The following PCDH12 variants were observed in gnomAD, a reference collection of about 807,000 sequenced individuals.
The protein encoded by PCDH12 is protocadherin 12.
Under a neutral mutation model 70.9 loss-of-function variants are expected in PCDH12, and 45 were observed. The observed-to-expected ratio is 0.63, with a 90% confidence interval of 0.50 to 0.81. The LOEUF (loss-of-function observed/expected upper bound fraction) is 0.81. Among genes scored for constraint, PCDH12 ranks in the 40% least tolerant of loss-of-function variants. The pLI is 0.00. For missense variants in PCDH12, 1,370 were observed against 1,491.7 expected, an observed-to-expected ratio of 0.92 and a Z score of 1.34; for synonymous variants, 567 against 626.0, an observed-to-expected ratio of 0.91 and a Z score of 1.41.
rs767095922 is a variant in PCDH12, at chr5:141,945,330, C to T, written c.*51G>A. ...AAGATTTTAGAAACCAGCTCTTGTC[C>T]ACAGATCCTCAGGCCCCTGGTTCTT... On this transcript the variant is annotated 3_prime_UTR_variant, in exon 4 of 4. Coordinates refer to ENST00000231484, the MANE Select transcript of PCDH12 (RefSeq NM_016580.4). 125 of 1,544,434 alleles carry T rather than the reference C, an allele frequency of 8.1e-5. 1 individual carries two copies. The highest frequency in any genetic ancestry group is 1.1e-4 in the Non-Finnish European group (121 of 1,148,118).
Position 141,946,904 on chromosome 5 carries a change from A to T in PCDH12, c.3131-1099T>A, listed in dbSNP as rs1056020657. Among the ~76,000 whole-genome samples the T allele has an allele frequency of 1.8e-4, 4 of 22,686 alleles. No homozygotes were observed. In the East Asian group the frequency reaches 0.019, roughly 110 times the overall value. The allele number at this position is 22,686 out of a possible 152,430, so 14.9% of individuals were successfully genotyped here. A position where few individuals can be genotyped will look rare whatever the true frequency, so the allele number is the denominator to read the frequency against. The stretch of plus-strand genomic sequence containing the variant: ...TAAGAAACAGTGTCTTAAAAAAATT[A>T]AAAAAAAAAAAAAAAGCACAACATC... On this transcript the variant is annotated intron_variant, in intron 3 of 3. Transcript: ENST00000231484.
At chr5:141,953,642 C>G (rs535289447) in intron 1 of PCDH12, among the ~76,000 whole-genome samples, 1 of 152,258 alleles carries the variant, frequency 6.6e-6, no homozygotes, top group Non-Finnish European at 1.5e-5. Context: ...GGCCTATTCT[C>G]TGTTGTCCTG....
chr5:141,945,489 G>C lies in PCDH12; in HGVS notation c.3447C>G (p.Asp1149Glu). ...LSVCGRTLSL[D>E]LATSAASGMK... ...TGCCTGAGGCTGCACTGGTGGCCAA[G>C]TCTAAACTGAGGGTCCTCCCGCAGA... The change falls in exon 4 of 4, where the codon GAC (aspartate) becomes GAG (glutamate). Residue 1149 changes from aspartate to glutamate, a missense_variant. Transcript: ENST00000231484. The C allele has an allele frequency of 1.2e-6, 2 of 1,613,470 alleles. No individual in the cohort carries two copies. Among genetic ancestry groups the C allele is most frequent in the Non-Finnish European group, 1.7e-6 (2 of 1,179,738 alleles).
rs1753077207 is a variant in PCDH12, at chr5:141,951,351, G to A, written c.2978+142C>T. 21 of 649,634 alleles carry A rather than the reference G, an allele frequency of 3.2e-5. No individual in the cohort carries two copies. In the South Asian group the frequency reaches 3.6e-4, roughly 11 times the overall value. 40.2% of individuals were successfully genotyped at this position (649,634 alleles called of 1,614,324 possible). On this transcript the variant is annotated intron_variant, in intron 2 of 3. Transcript: ENST00000231484. ...CCTCACGACCAAAACTCCCAGGGTG[G>A]GAGGATGGATGCTGTCTGCTGCACC...
rs1752872516 is a variant in PCDH12, at chr5:141,945,097, C to T, written c.*284G>A. ...TGATACTCCGTGGCATCTGTTCTGC[C>T]AGAGGACTGACCCTTTGTGCTCCAC... On this transcript the variant is annotated 3_prime_UTR_variant, in exon 4 of 4. Coordinates refer to ENST00000231484, the MANE Select transcript of PCDH12 (RefSeq NM_016580.4). 2.3e-6 allele frequency: 1 copy of T among 443,244 alleles called. No homozygotes were observed. The highest frequency in any genetic ancestry group is 4.0e-5 in the Admixed American group (1 of 25,232). 27.5% of individuals were successfully genotyped at this position (443,244 alleles called of 1,614,324 possible). A position where few individuals can be genotyped will look rare whatever the true frequency, so the allele number is the denominator to read the frequency against.
rs748846027 is a variant in PCDH12 at position 141,945,753 on chromosome 5, G to C, written c.3183C>G (p.Leu1061=). The C allele has an allele frequency of 7.4e-6, 12 of 1,613,894 alleles. No homozygotes were observed. The highest frequency in any genetic ancestry group is 1.7e-5 in the Admixed American group (1 of 60,014). Residue 1061 remains leucine, a synonymous_variant, in exon 4 of 4, where the codon CTC becomes CTG. Coordinates refer to ENST00000231484, the MANE Select transcript of PCDH12 (RefSeq NM_016580.4). ...GGTAGTTGGTGGTGAGGGGCAAAGAGAGTCTCGCCATCCAGGCCGGGTCAG... is the reference window on the plus strand; with the variant it reads ...GGTAGTTGGTGGTGAGGGGCAAAGACAGTCTCGCCATCCAGGCCGGGTCAG... ...SAPDPAWMAR[L]SLPLTTNYRD...
At chr5:141,954,883 A>G (rs1753146948) in intron 1 of PCDH12, 89 bp downstream of exon 1, 2 of 1,482,178 alleles carry the variant, frequency 1.3e-6, no homozygotes, top group African/African-American at 1.4e-5. Flanking sequence ...AGGAAGAAAC[A>G]TGAGGACTGT....
chr5:141,953,172 G>A (rs764396584), intron 1 of PCDH12: 2 of 152,170 alleles, frequency 1.3e-5, no homozygotes, highest in African/African-American at 2.4e-5. Flanking sequence ...GCCCAGACTC[G>A]AATCAGTCAG....
chr5:141,956,357 T>C lies in PCDH12; in HGVS notation c.1495A>G (p.Ile499Val), dbSNP rs751011058. Reference protein sequence around the residue: ...LGINGKVSYRIQDSPVAHLVA... With the variant: ...LGINGKVSYRVQDSPVAHLVA... ...AAGTGAGCAACTGGGGAGTCCTGGA[T>C]GCGGTATGAGACTTTTCCATTAATG... The change falls in exon 1 of 4, where the codon ATC becomes GTC. Residue 499 changes from isoleucine to valine, a missense_variant. Ile to Val is a conservative substitution (Grantham distance 29). Coordinates refer to ENST00000231484, the MANE Select transcript of PCDH12 (RefSeq NM_016580.4). 8 of 1,614,114 alleles carry C rather than the reference T, an allele frequency of 5.0e-6. No individual in the cohort carries two copies. The Admixed American group carries it at 1.0e-4, about 20-fold the overall frequency.
chr5:141,957,044 C>G lies in PCDH12; in HGVS notation c.808G>C (p.Asp270His), dbSNP rs1320133752. ...TCCCCATTGGGGCCTTGGTCAGGGT[C>G]TGTGGCGGTCAGTTTTATGAGAAGC... ...GTLLIKLTAT[D>H]PDQGPNGEVE... The change falls in exon 1 of 4, where the codon GAC becomes CAC. Residue 270 changes from aspartate (D) to histidine (H), a missense_variant. Asp to His is a moderately conservative substitution (Grantham distance 81). Transcript: ENST00000231484. The surrounding 1 kb of genome is among the most constrained non-coding windows in gnomAD (Gnocchi z 4.3). The G allele has an allele frequency of 1.2e-6, 2 of 1,614,066 alleles. No individual in the cohort carries two copies. The highest frequency in any genetic ancestry group is 1.7e-6 in the Non-Finnish European group (2 of 1,180,044).
At chr5:141,948,811 T>C (rs566765314) in intron 3 of PCDH12, among the ~76,000 whole-genome samples, 3 of 152,042 alleles carry the variant, frequency 2.0e-5, no homozygotes, top group Non-Finnish European at 4.4e-5. Context: ...CTTGAGGGGA[T>C]TGGTTGGAGG....
In PCDH12 at chr5:141,948,087, G is replaced by A. The variant is rs546721145; in HGVS notation, c.3130+1345C>T. On this transcript the variant is annotated intron_variant, in intron 3 of 3. Coordinates refer to ENST00000231484, the MANE Select transcript of PCDH12 (RefSeq NM_016580.4). ...ACTTAAATTTAAATAGCCACTTGTC[G>A]CTAGTGACTACCTCATTGAACAACA... is the stretch of plus-strand genomic sequence containing the variant. Among the ~76,000 whole-genome samples the A allele has an allele frequency of 4.8e-4, 73 of 152,020 alleles. 2 individuals are homozygous for A. In the South Asian group the frequency reaches 0.014, roughly 29 times the overall value.
chr5:141,945,255 T>C lies in PCDH12; in HGVS notation c.*126A>G. The C allele has an allele frequency of 8.7e-7, 1 of 1,151,872 alleles. No homozygotes were observed. Among genetic ancestry groups the C allele is most frequent in the Non-Finnish European group, 1.2e-6 (1 of 813,288 alleles). 71.4% of individuals were successfully genotyped at this position (1,151,872 alleles called of 1,614,324 possible). On this transcript the variant is annotated 3_prime_UTR_variant, in exon 4 of 4. Coordinates refer to ENST00000231484, the MANE Select transcript of PCDH12 (RefSeq NM_016580.4). ...GGGGCTCTTGCCTCCTCTGTGGGGG[T>C]AGCATCAGTCACCCTAAAGTTCTCA... is the stretch of plus-strand genomic sequence containing the variant.
chr5:141,946,611 A>G (rs758460), intron 3 of PCDH12, among the ~76,000 whole-genome samples: 14,717 of 152,002 alleles, frequency 0.097, 2,351 homozygotes, highest in African/African-American at 0.33. Context: ...CCTCCTCAAC[A>G]TCATCTCTCA....
rs1752860016 is a variant in PCDH12, at chr5:141,944,701, G to T, written c.*680C>A. On this transcript the variant is annotated 3_prime_UTR_variant, in exon 4 of 4. Coordinates refer to ENST00000231484, the MANE Select transcript of PCDH12 (RefSeq NM_016580.4). ...ATTAAATCCTATTGTAAAGCCTGGTGCCTGGCTCATGTAAATGCTTTATAA... is the reference window on the plus strand; with the variant it reads ...ATTAAATCCTATTGTAAAGCCTGGTTCCTGGCTCATGTAAATGCTTTATAA... 1 of 152,202 alleles carries T rather than the reference G, an allele frequency of 6.6e-6. No individual in the cohort carries two copies. The highest frequency in any genetic ancestry group is 1.5e-5 in the Non-Finnish European group (1 of 68,062). The allele number at this position is 152,202 out of a possible 1,614,324, so 9.4% of individuals were successfully genotyped here.
rs867348393 is a variant in PCDH12 at position 141,956,266 on chromosome 5, G to A, written c.1586C>T (p.Ala529Val). ...AQRSLNYEEMAGFEFQVIAED... is the reference protein window; with the variant it reads ...AQRSLNYEEMVGFEFQVIAED... ...TGCGATCACCTGGAACTCAAAGCCG[G>A]CCATCTCTTCATAGTTCAGTGACCT... The change falls in exon 1 of 4, where the codon GCC (alanine) becomes GTC (valine). Residue 529 changes from alanine to valine, a missense_variant. By Grantham distance (64) the Ala-to-Val change is moderately conservative. Transcript: ENST00000231484. The A allele has an allele frequency of 6.2e-7, 1 of 1,614,212 alleles. No individual in the cohort carries two copies. Among genetic ancestry groups the A allele is most frequent in the South Asian group, 1.1e-5 (1 of 91,082 alleles).
At chr5:141,947,495 C>A (rs1412457743) in intron 3 of PCDH12, among the ~76,000 whole-genome samples, 5 of 152,180 alleles carry the variant, frequency 3.3e-5, no homozygotes, top group Admixed American at 3.3e-4. Context: ...CCCAGCATCA[C>A]CCACCAGTTC....
Position 141,945,515 on chromosome 5 carries a change from C to G in PCDH12, c.3421G>C (p.Val1141Leu). The G allele has an allele frequency of 6.2e-7, 1 of 1,613,654 alleles. No homozygotes were observed. The highest frequency in any genetic ancestry group is 1.3e-5 in the African/African-American group (1 of 75,078). Residue 1141 changes from valine to leucine, a missense_variant, in exon 4 of 4, where the codon GTC becomes CTC. Val to Leu is a conservative substitution (Grantham distance 32, BLOSUM62 1). Coordinates refer to ENST00000231484, the MANE Select transcript of PCDH12 (RefSeq NM_016580.4). ...TCTAAACTGAGGGTCCTCCCGCAGA[C>G]CGAGAGCCGCCGCAGCGCCTCGGAG... ...AASEALRRLS[V>L]CGRTLSLDLA...
Position 141,957,748 on chromosome 5 carries a change from T to G in PCDH12, c.104A>C (p.Gln35Pro). ...ACCAGATGGCACTTCCTCTGACACT[T>G]GGTATTTCACCGTGAGAGTGGTCAC... is the stretch of plus-strand genomic sequence containing the variant. ...QEVTTLTVKYQVSEEVPSGTV... is the reference protein window; with the variant it reads ...QEVTTLTVKYPVSEEVPSGTV... Residue 35 changes from glutamine to proline, a missense_variant, in exon 1 of 4, where the codon CAA becomes CCA. Gln to Pro is a moderately conservative substitution (Grantham distance 76, BLOSUM62 -1). Coordinates refer to ENST00000231484, the MANE Select transcript of PCDH12 (RefSeq NM_016580.4). This position sits in a 1 kb window ranked among gnomAD's most constrained non-coding sequence, Gnocchi z 4.3. The G allele has an allele frequency of 6.2e-7, 1 of 1,613,086 alleles. No individual in the cohort carries two copies. Among genetic ancestry groups the G allele is most frequent in the Non-Finnish European group, 8.5e-7 (1 of 1,180,026 alleles).
Sources: gnomAD v4.1 joint callset for allele counts (sites outside exome capture counted in the v4.1 genomes callset) on GRCh38, gnomAD v4.1.1 for gene constraint, Gnocchi (gnomAD v3.1) non-coding constraint, MANE v1.5 for transcripts, NCBI Gene and HGNC (gene_info 2026-07-23, HGNC 2026-07-21) for gene names.